Variants in MCTP1 observed in about 807,000 individuals in gnomAD.
MCTP1 encodes multiple C2 and transmembrane domain containing 1, also known as multiple C2 and transmembrane domain-containing protein 1.
Under a neutral mutation model 120.6 loss-of-function variants are expected in MCTP1, and 69 were observed. The observed-to-expected ratio is 0.57, with a 90% CI of 0.47 to 0.70. The LOEUF is 0.70. Ranked by LOEUF, MCTP1 falls within the 30% of genes least tolerant of loss-of-function variation. MCTP1 has a pLI of 0.00. For missense variants in MCTP1, 1,203 were observed against 1,248.8 expected (o/e 0.96, Z 0.55); for synonymous variants, 529 against 493.1 (o/e 1.07, Z -0.96).
chr5:94,735,697 TAGG>T (rs1764068458), intron 19 of MCTP1, among the ~76,000 whole-genome samples: 1 of 152,214 alleles, frequency 6.6e-6, no homozygotes, highest in African/African-American at 2.4e-5. Context: ...TTTCCAGTAA[TAGG>T]AAGGTCATGA....
chr5:95,166,661 G>A (rs575139334), intron 1 of MCTP1, among the ~76,000 whole-genome samples: 33 of 146,630 alleles, frequency 2.3e-4, no homozygotes, highest in Middle Eastern at 3.7e-3. Context: ...TCTGCCTCCC[G>A]GGTTCACGCC....
intron 2 of MCTP1, among the ~76,000 whole-genome samples, chr5:94,985,519 T>C (rs1830282723): frequency 6.6e-6 from 1 of 152,198 alleles, no homozygotes; most frequent in Non-Finnish European, 1.5e-5. Context: ...ATCACAGATC[T>C]ATGAATACTG....
At chr5:95,037,253 C>T (rs909521355) in intron 1 of MCTP1, among the ~76,000 whole-genome samples, 5 of 152,180 alleles carry the variant, frequency 3.3e-5, no homozygotes, top group African/African-American at 1.2e-4. Flanking sequence ...CAATTATATT[C>T]TGGAAATATT....
At chr5:95,257,832 G>C (rs147007810) in intron 1 of MCTP1, among the ~76,000 whole-genome samples, 7 of 14,034 alleles carry the variant, frequency 5.0e-4, no homozygotes, top group African/African-American at 1.7e-3. Context: ...CACACACACA[G>C]ACGGGAGTAT....
intron 2 of MCTP1, among the ~76,000 whole-genome samples, chr5:94,972,768 T>C (rs1827187475): frequency 1.3e-5 from 2 of 152,166 alleles, no homozygotes; most frequent in Admixed American, 1.3e-4. Context: ...GTTTCTTAAT[T>C]AGAATGATTC....
At chr5:94,886,813 AACTT>A (rs1477793314) in intron 12 of MCTP1, among the ~76,000 whole-genome samples, 1 of 152,204 alleles carries the variant, frequency 6.6e-6, no homozygotes. Flanking sequence ...GCAGACAAAG[AACTT>A]ACTTGTGTCC....
At chr5:94,892,753 A>C (rs1390676270) in intron 11 of MCTP1, among the ~76,000 whole-genome samples, 2 of 152,186 alleles carry the variant, frequency 1.3e-5, no homozygotes, top group African/African-American at 4.8e-5. Context: ...AAAAATACAC[A>C]TGTTCTTGCA....
chr5:95,044,605 A>G (rs1842862331), intron 1 of MCTP1, among the ~76,000 whole-genome samples: 1 of 151,808 alleles, frequency 6.6e-6, no homozygotes. Flanking sequence ...TCCAGATCTA[A>G]TCTCTTCTTT....
At chr5:94,823,697 G>T (rs897251001) in intron 17 of MCTP1, among the ~76,000 whole-genome samples, 1 of 152,166 alleles carries the variant, frequency 6.6e-6, no homozygotes, top group South Asian at 2.1e-4. Flanking sequence ...TCTTCCATTT[G>T]TTTGTGTTCT....
rs1834871114 is a variant in MCTP1 at position 95,006,881 on chromosome 5, T to TCTC, written c.838+10485_838+10486insGAG. Reference sequence around the variant, plus strand: ...CCCTTTTGAGAGTAAAATGGGGTACTATTAACAATTATGTCAGTCAACAGG... The same window carrying TCTC: ...CCCTTTTGAGAGTAAAATGGGGTACTCTCATTAACAATTATGTCAGTCAACAGG... On this transcript the variant is annotated intron_variant, in intron 2 of 22. Transcript: ENST00000515393. Among the ~76,000 whole-genome samples, 20 of 152,310 alleles carry TCTC rather than the reference T, an allele frequency of 1.3e-4. No individual in the cohort carries two copies. The South Asian group carries it at 4.1e-3, about 32-fold the overall frequency.
intron 20 of MCTP1, among the ~76,000 whole-genome samples, chr5:94,711,529 T>C (rs1018088364): frequency 6.6e-6 from 1 of 152,152 alleles, no homozygotes; most frequent in South Asian, 2.1e-4. Flanking sequence ...ACTGCCCTTC[T>C]TCCCAGAAGT....
intron 1 of MCTP1, among the ~76,000 whole-genome samples, chr5:95,100,483 TA>T (rs1183606777): frequency 1.3e-5 from 2 of 151,864 alleles, no homozygotes; most frequent in South Asian, 2.1e-4. Context: ...CAAAAATCAA[TA>T]AAAAAATAAG....
At position 95,212,319 on chromosome 5, in the gene MCTP1, A is replaced by G. The variant is rs908455389; in HGVS notation, c.720+71537T>C. ...TCTCCCAAGACTAAACCAGGAGGAAATTGAATCTCTGAATAGACCAATAAC... is the reference window on the plus strand; with the variant it reads ...TCTCCCAAGACTAAACCAGGAGGAAGTTGAATCTCTGAATAGACCAATAAC... On this transcript the variant is annotated intron_variant, in intron 1 of 22. Transcript: ENST00000515393. 3.3e-5 allele frequency among the ~76,000 whole-genome samples: 5 copies of G among 152,152 alleles called. 1 individual carries two copies. The highest frequency in any genetic ancestry group is 1.2e-4 in the African/African-American group (5 of 41,450).
At chr5:94,962,443 C>T (rs2347475) in intron 2 of MCTP1, among the ~76,000 whole-genome samples, 56,043 of 148,974 alleles carry the variant, frequency 0.38, 10,732 homozygotes, top group Middle Eastern at 0.44. Flanking sequence ...ATATATATAT[C>T]ATATATTGTA....
intron 6 of MCTP1, among the ~76,000 whole-genome samples, chr5:94,927,856 C>T (rs149508287): frequency 1.8e-4 from 28 of 152,066 alleles, no homozygotes; most frequent in African/African-American, 6.7e-4. Context: ...TTAAAAATTG[C>T]TTCATTCAAC....
At position 95,139,548 on chromosome 5, in the gene MCTP1, AT is replaced by A. The variant is rs151035278; in HGVS notation, c.721-122065del. On this transcript the variant is annotated intron_variant, in intron 1 of 22. Transcript: ENST00000515393. ...TTCCAAAGCTATTTTAGCCAAAGGA[AT>A]TTTTAAAAGGAGTCTCAAAATCAAC... Among the ~76,000 whole-genome samples the A allele has an allele frequency of 1.4e-3, 216 of 152,318 alleles. 2 individuals are homozygous for A. Among genetic ancestry groups the A allele is most frequent in the African/African-American group, 5.0e-3 (207 of 41,572 alleles).
chr5:94,827,411 T>C (rs1787396571), intron 17 of MCTP1, among the ~76,000 whole-genome samples: 1 of 152,202 alleles, frequency 6.6e-6, no homozygotes, highest in South Asian at 2.1e-4. Flanking sequence ...ATTTTTTCCT[T>C]CATTTCAACC....
chr5:95,097,989 T>G (rs566877940), intron 1 of MCTP1, among the ~76,000 whole-genome samples: 1 of 152,376 alleles, frequency 6.6e-6, no homozygotes, highest in East Asian at 1.9e-4. Flanking sequence ...TAGCTTTGAG[T>G]AATAATAATT....
intron 19 of MCTP1, among the ~76,000 whole-genome samples, chr5:94,720,041 G>T (rs1760507098): frequency 6.6e-6 from 1 of 152,012 alleles, no homozygotes; most frequent in Non-Finnish European, 1.5e-5. Flanking sequence ...CAGGAGAATC[G>T]CTTGAACCTG....
Sources: gnomAD v4.1 joint callset for allele counts (sites outside exome capture counted in the v4.1 genomes callset) on GRCh38, gnomAD v4.1.1 for gene constraint, MANE v1.5 for transcripts, NCBI Gene and HGNC (gene_info 2026-07-23, HGNC 2026-07-21) for gene names.